MTHFD2L: variants seen among roughly 807,000 people sequenced by gnomAD.
The protein encoded by MTHFD2L is bifunctional methylenetetrahydrofolate dehydrogenase/cyclohydrolase 2, mitochondrial.
MTHFD2L carries 29 observed loss-of-function variants against 34.9 expected under a neutral mutation model. The observed-to-expected ratio is 0.83, with a 90% CI of 0.62 to 1.13. MTHFD2L has a LOEUF of 1.13. Among genes scored for constraint, MTHFD2L ranks in the 50% most tolerant of loss-of-function variants. The pLI, the probability that MTHFD2L is intolerant of heterozygous loss-of-function variation, is 0.00. For synonymous variants in MTHFD2L, 167 were observed against 155.7 expected (o/e 1.07, Z -0.54); for missense variants, 481 against 446.5 (o/e 1.08, Z -0.70).
At chr4:74,272,173 G>A (rs1445761540) in intron 6 of MTHFD2L, among the ~76,000 whole-genome samples, 3 of 152,108 alleles carry the variant, frequency 2.0e-5, no homozygotes, top group African/African-American at 7.2e-5. Flanking sequence ...AGATAAATCA[G>A]GACATCATTT....
At chr4:74,233,935 A>T (rs1740467393) in intron 6 of MTHFD2L, among the ~76,000 whole-genome samples, 1 of 151,894 alleles carries the variant, frequency 6.6e-6, no homozygotes, top group South Asian at 2.1e-4. Flanking sequence ...TTCTCTCAAC[A>T]CATATATATG....
At chr4:74,158,056 T>G, upstream of MTHFD2L, 2 of 1,526,116 alleles carry the variant, frequency 1.3e-6, no homozygotes, top group African/African-American at 2.7e-5. Context: ...CCAGCCCGGG[T>G]GAGGGCGGAG....
intron 1 of MTHFD2L, among the ~76,000 whole-genome samples, chr4:74,167,880 A>G (rs1727072098): frequency 6.6e-6 from 1 of 152,166 alleles, no homozygotes; most frequent in South Asian, 2.1e-4. Flanking sequence ...CAGGTCAGAA[A>G]TGTTAGAGTC....
In MTHFD2L at chr4:74,300,704, C is replaced by T. The variant is rs76542482; in HGVS notation, c.932-993C>T. Among the ~76,000 whole-genome samples the T allele has an allele frequency of 1.6e-3, 249 of 152,180 alleles. 2 individuals are homozygous for T. Among genetic ancestry groups the T allele is most frequent in the Non-Finnish European group, 2.3e-3 (159 of 67,960 alleles). On this transcript the variant is annotated intron_variant, in intron 7 of 7. Transcript: ENST00000325278. ...TGAAAACATTCTTAAATAAAACTTG[C>T]TGAGAGTTATCTGCCATTTTCTTTA... is the stretch of plus-strand genomic sequence containing the variant.
At chr4:74,193,791 ATTAG>A (rs1272566961) in intron 3 of MTHFD2L, among the ~76,000 whole-genome samples, 2 of 152,150 alleles carry the variant, frequency 1.3e-5, no homozygotes, top group African/African-American at 4.8e-5. Context: ...AATTCACTTT[ATTAG>A]TTCTATTAAT....
chr4:74,291,003 CTTTTTTTTTTTTTT>C lies in MTHFD2L; in HGVS notation c.931+9472_931+9485del, dbSNP rs10585551. Among the ~76,000 whole-genome samples the C allele has an allele frequency of 3.2e-3, 93 of 29,288 alleles. 4 individuals are homozygous for C. The East Asian group carries it at 0.066, about 21-fold the overall frequency. 19.2% of individuals were successfully genotyped at this position (29,288 alleles called of 152,430 possible). A position where few individuals can be genotyped will look rare whatever the true frequency, so the allele number is the denominator to read the frequency against. On this transcript the variant is annotated intron_variant, in intron 7 of 7. Coordinates refer to ENST00000325278, the MANE Select transcript of MTHFD2L (RefSeq NM_001144978.3). The stretch of plus-strand genomic sequence containing the variant: ...CTGTCTTACATTTATTTTTCCTTTT[CTTTTTTTTTTTTTT>C]TTTTTTTTTTTTTTTTTTGAGATGG...
intron 3 of MTHFD2L, among the ~76,000 whole-genome samples, chr4:74,177,410 CACA>C (rs2109969018): frequency 6.6e-6 from 1 of 151,964 alleles, no homozygotes; most frequent in Admixed American, 6.6e-5. Flanking sequence ...ATAAACATGT[CACA>C]ACATTAATTC....
intron 5 of MTHFD2L, among the ~76,000 whole-genome samples, chr4:74,214,147 T>G (rs1736804375): frequency 6.6e-6 from 1 of 151,788 alleles, no homozygotes; most frequent in South Asian, 2.1e-4. Context: ...TTGCATTGGG[T>G]CAGAACATGC....
At chr4:74,227,513 G>A (rs773382321) in intron 6 of MTHFD2L, among the ~76,000 whole-genome samples, 23 of 152,140 alleles carry the variant, frequency 1.5e-4, no homozygotes, top group Non-Finnish European at 2.5e-4. Context: ...AGAGCATCCC[G>A]AGCAGAGGAA....
intron 3 of MTHFD2L, among the ~76,000 whole-genome samples, chr4:74,179,544 T>G (rs1307401201): frequency 1.3e-5 from 2 of 152,078 alleles, no homozygotes; most frequent in African/African-American, 4.8e-5. Flanking sequence ...CAAATATGGG[T>G]ATATACAGTC....
intron 5 of MTHFD2L, among the ~76,000 whole-genome samples, chr4:74,214,244 T>C (rs1044893963): frequency 1.3e-5 from 2 of 151,834 alleles, no homozygotes; most frequent in African/African-American, 4.9e-5. Flanking sequence ...TCTAGTTTTG[T>C]TCCCTTGGTG....
intron 5 of MTHFD2L, among the ~76,000 whole-genome samples, chr4:74,212,769 G>A (rs1736555286): frequency 1.3e-5 from 2 of 152,076 alleles, no homozygotes; most frequent in African/African-American, 2.4e-5. Flanking sequence ...TTGTCTCATT[G>A]ATCTGTCTAA....
intron 5 of MTHFD2L, chr4:74,223,980 G>A (rs1738685034): frequency 6.6e-6 from 1 of 151,990 alleles, no homozygotes; most frequent in Non-Finnish European, 1.5e-5. Context: ...TTTTATTGAT[G>A]CTGTGTCACA....
intron 1 of MTHFD2L, among the ~76,000 whole-genome samples, chr4:74,165,796 AAC>A (rs1464689046): frequency 6.6e-6 from 1 of 152,242 alleles, no homozygotes; most frequent in Non-Finnish European, 1.5e-5. Flanking sequence ...TGCTAAATGG[AAC>A]AGTCTTAATT....
rs185961912 is a variant in MTHFD2L, at chr4:74,227,995, T to C, written c.805+2601T>C. On this transcript the variant is annotated intron_variant, in intron 6 of 7. Transcript: ENST00000325278. ...GCCCTTTTCTGGAACCTAGAACATA[T>C]ACATGACTGCAGGAACAGTAGTTGG... Among the ~76,000 whole-genome samples the C allele has an allele frequency of 1.7e-3, 255 of 152,312 alleles. 1 individual carries two copies. The highest frequency in any genetic ancestry group is 6.0e-3 in the African/African-American group (251 of 41,568).
intron 5 of MTHFD2L, among the ~76,000 whole-genome samples, chr4:74,203,590 G>A (rs1365579892): frequency 6.6e-6 from 1 of 152,180 alleles, no homozygotes; most frequent in Non-Finnish European, 1.5e-5. Flanking sequence ...GGTGGAGCCA[G>A]CATTTCTCAT....
chr4:74,225,206 A>G, intron 5 of MTHFD2L, 96 bp from the exon 6 acceptor site: 3 of 960,930 alleles, frequency 3.1e-6, no homozygotes, highest in Non-Finnish European at 4.8e-6. Flanking sequence ...TAGCCTTTCT[A>G]TTCTTAGGAA....
intron 7 of MTHFD2L, among the ~76,000 whole-genome samples, chr4:74,290,998 C>CT (rs1560565979): frequency 8.7e-5 from 4 of 46,154 alleles, no homozygotes; most frequent in African/African-American, 2.0e-4. Flanking sequence ...TTTATTTTTC[C>CT]TTTTCTTTTT....
At chr4:74,245,481 AT>A (rs33988429) in intron 6 of MTHFD2L, among the ~76,000 whole-genome samples, 40,006 of 151,474 alleles carry the variant, frequency 0.26, 5,590 homozygotes, top group African/African-American at 0.35. Context: ...ATTTTCAATA[AT>A]TTTTTTTATT....
Sources: allele counts gnomAD v4.1 joint callset (sites outside exome capture counted in the v4.1 genomes callset), GRCh38; gene constraint gnomAD v4.1.1; transcripts MANE v1.5; gene names NCBI Gene and HGNC (gene_info 2026-07-23, HGNC 2026-07-21).